Variants in PTPRD observed in about 807,000 individuals in gnomAD.
PTPRD encodes the protein protein tyrosine phosphatase receptor type D.
A neutral mutation model predicts 214.5 loss-of-function variants in PTPRD; 34 were observed. The ratio of observed to expected loss-of-function variants is 0.16; its 90% CI spans 0.12 to 0.21. PTPRD has a LOEUF of 0.21. Ranked by LOEUF, PTPRD falls within the 10% of genes least tolerant of loss-of-function variation. The pLI is 1.00. For missense variants in PTPRD, 2,545 were observed against 2,398.7 expected, an observed-to-expected ratio of 1.06 and a Z score of -1.27; for synonymous variants, 1,128 against 845.7, an observed-to-expected ratio of 1.33 and a Z score of -5.79.
chr9:9,107,181 G>T (rs72694978), intron 10 of PTPRD, among the ~76,000 whole-genome samples: 12,038 of 152,042 alleles, frequency 0.079, 625 homozygotes, highest in East Asian at 0.16. Flanking sequence ...AGACTAGGTG[G>T]CCTGTATCTT....
intron 5 of PTPRD, among the ~76,000 whole-genome samples, chr9:9,776,009 A>T (rs1018717055): frequency 1.1e-4 from 17 of 150,502 alleles, no homozygotes; most frequent in Non-Finnish European, 2.1e-4. Flanking sequence ...CTCCCACTAA[A>T]GTTCTTAAAG....
At chr9:8,923,847 G>C (rs1294042480) in intron 11 of PTPRD, among the ~76,000 whole-genome samples, 1 of 152,144 alleles carries the variant, frequency 6.6e-6, no homozygotes, top group African/African-American at 2.4e-5. Context: ...ACAATGCAGT[G>C]AGTCATATGT....
At chr9:10,503,213 A>AAAAAAC (rs1555437452) in intron 2 of PTPRD, among the ~76,000 whole-genome samples, 5 of 149,480 alleles carry the variant, frequency 3.3e-5, no homozygotes, top group African/African-American at 1.2e-4. Context: ...AAAAACAAAA[A>AAAAAAC]AAAACACCAT....
rs569670993 is a variant in PTPRD, at chr9:10,413,469, A to C, written c.-599-72452T>G. Among the ~76,000 whole-genome samples, 4 of 152,156 alleles carry C rather than the reference A, an allele frequency of 2.6e-5. No individual in the cohort carries two copies. In the East Asian group the frequency reaches 7.8e-4, roughly 30 times the overall value. The stretch of plus-strand genomic sequence containing the variant: ...CCAAAGAATCAGAGATGACCCAAAC[A>C]AATGGAAACATACTCCACGCTCAGG... On this transcript the variant is annotated intron_variant, in intron 2 of 45. Transcript: ENST00000381196.
At chr9:8,795,633 A>ACTAT (rs71317376) in intron 11 of PTPRD, among the ~76,000 whole-genome samples, 53,660 of 151,822 alleles carry the variant, frequency 0.35, 11,549 homozygotes, top group Middle Eastern at 0.51. Context: ...ATCATTTATC[A>ACTAT]CTATCTCAGT....
rs1566623847 is a variant in PTPRD at position 9,947,562 on chromosome 9, TTTTATATATATATTATATATATA to T, written c.-471-8975_-471-8953del. On this transcript the variant is annotated intron_variant, in intron 4 of 45. Transcript: ENST00000381196. ...ATATAATATATATATTATATATATA[TTTTATATATATATTATATATATA>T]TTATATATATAATATATATATTTTA... Among the ~76,000 whole-genome samples the T allele has an allele frequency of 5.1e-5, 2 of 39,564 alleles. 1 individual carries two copies. Among genetic ancestry groups the T allele is most frequent in the African/African-American group, 3.3e-4 (2 of 5,998 alleles). 26.0% of individuals were successfully genotyped at this position (39,564 alleles called of 152,430 possible).
intron 14 of PTPRD, among the ~76,000 whole-genome samples, chr9:8,535,196 T>G (rs1392935030): frequency 6.6e-6 from 1 of 151,936 alleles, no homozygotes; most frequent in Non-Finnish European, 1.5e-5. Flanking sequence ...TGTACTTGCT[T>G]TATTCCAAGC....
intron 11 of PTPRD, among the ~76,000 whole-genome samples, chr9:8,775,446 T>G (rs1286404405): frequency 6.6e-6 from 1 of 152,106 alleles, no homozygotes; most frequent in Non-Finnish European, 1.5e-5. Flanking sequence ...AGCAAAGCCA[T>G]ATCCCTGGAA....
At chr9:10,609,036 A>G (rs2080241147) in intron 2 of PTPRD, among the ~76,000 whole-genome samples, 1 of 152,138 alleles carries the variant, frequency 6.6e-6, no homozygotes, top group Admixed American at 6.5e-5. Flanking sequence ...AATTTTCATT[A>G]TAACTTTTAA....
intron 12 of PTPRD, among the ~76,000 whole-genome samples, chr9:8,727,229 C>A (rs1396871697): frequency 2.6e-5 from 4 of 152,290 alleles, no homozygotes; most frequent in African/African-American, 9.6e-5. Flanking sequence ...TTTAAAAAAG[C>A]AAGTCCTACT....
At chr9:10,159,404 G>A (rs1305802966) in intron 3 of PTPRD, among the ~76,000 whole-genome samples, 2 of 149,672 alleles carry the variant, frequency 1.3e-5, no homozygotes, top group Non-Finnish European at 3.0e-5. Flanking sequence ...GAAAAAAAAA[G>A]CCAGGCAGAG....
chr9:9,651,128 C>T (rs1323286627), intron 7 of PTPRD, among the ~76,000 whole-genome samples: 1 of 152,102 alleles, frequency 6.6e-6, no homozygotes, highest in Admixed American at 6.5e-5. Flanking sequence ...TTATGCTTTT[C>T]CATCACCAAA....
chr9:10,271,185 C>A (rs182184473), intron 3 of PTPRD, among the ~76,000 whole-genome samples: 1 of 152,150 alleles, frequency 6.6e-6, no homozygotes, highest in East Asian at 1.9e-4. Context: ...CATATTTTCC[C>A]ATACTTGCAT....
At chr9:10,227,458 C>G (rs746493902) in intron 3 of PTPRD, among the ~76,000 whole-genome samples, 2 of 151,818 alleles carry the variant, frequency 1.3e-5, no homozygotes, top group African/African-American at 2.4e-5. Context: ...AAAAATATTA[C>G]TCTTTCGCGT....
At chr9:9,838,079 C>A (rs970343274) in intron 5 of PTPRD, among the ~76,000 whole-genome samples, 1 of 152,164 alleles carries the variant, frequency 6.6e-6, no homozygotes, top group African/African-American at 2.4e-5. Flanking sequence ...TCATCCATGT[C>A]CCTACAAAGG....
intron 2 of PTPRD, among the ~76,000 whole-genome samples, chr9:10,457,017 T>G (rs2098923033): frequency 6.6e-6 from 1 of 151,962 alleles, no homozygotes. Flanking sequence ...AGCTCCAATT[T>G]CTTGAGACTC....
chr9:8,720,211 G>A (rs1285946378), intron 12 of PTPRD, among the ~76,000 whole-genome samples: 1 of 152,132 alleles, frequency 6.6e-6, no homozygotes, highest in Admixed American at 6.5e-5. Context: ...CTCCTCACCT[G>A]GGACAGCTGC....
intron 12 of PTPRD, among the ~76,000 whole-genome samples, chr9:8,725,510 A>T (rs2098547641): frequency 6.6e-6 from 1 of 152,204 alleles, no homozygotes; most frequent in Non-Finnish European, 1.5e-5. Context: ...TTTACATTTT[A>T]AAAAGATTCT....
At chr9:8,947,305 T>C (rs1011615552) in intron 11 of PTPRD, among the ~76,000 whole-genome samples, 1 of 151,306 alleles carries the variant, frequency 6.6e-6, no homozygotes, top group African/African-American at 2.4e-5. Context: ...CTACTAAAAA[T>C]ACAAAAAGTT....
Sources: gnomAD v4.1 joint callset for allele counts (sites outside exome capture counted in the v4.1 genomes callset) on GRCh38, gnomAD v4.1.1 for gene constraint, MANE v1.5 for transcripts, NCBI Gene and HGNC (gene_info 2026-07-23, HGNC 2026-07-21) for gene names.